BLTP1: variants seen among roughly 807,000 people sequenced by gnomAD.
BLTP1 encodes fragile site-associated protein.
At chr4:122,206,163 A>G in the BLTP1 span, 2,572 of 691,592 alleles carry the variant, frequency 3.7e-3, 8 homozygotes, top group Non-Finnish European at 4.3e-3. Flanking sequence ...AGTCAAGTCT[A>G]TGTTTCATTC....
chr4:122,249,904 C>CT, the BLTP1 span: 2 of 984,864 alleles, frequency 2.0e-6, no homozygotes, highest in Non-Finnish European at 2.4e-6. Flanking sequence ...GCTTGAAAAA[C>CT]AACAATATGT....
the BLTP1 span, chr4:122,325,217 T>A: frequency 6.9e-6 from 11 of 1,589,114 alleles, no homozygotes; most frequent in Admixed American, 1.2e-4. Context: ...TATAACTTTA[T>A]ATTTACTTGC....
the BLTP1 span, among the ~76,000 whole-genome samples, chr4:122,257,788 A>T: frequency 6.6e-6 from 1 of 152,160 alleles, no homozygotes; most frequent in Non-Finnish European, 1.5e-5. Flanking sequence ...TACACGTATG[A>T]TTTTTATTGG....
At chr4:122,243,720 GAAA>G in the BLTP1 span, 1 of 944,916 alleles carries the variant, frequency 1.1e-6, no homozygotes, top group Non-Finnish European at 1.4e-6. Flanking sequence ...CTATCTCAAA[GAAA>G]AAAAAAAAGT....
At chr4:122,185,492 A>C in the BLTP1 span, 1 of 871,150 alleles carries the variant, frequency 1.1e-6, no homozygotes, top group East Asian at 1.2e-4. Flanking sequence ...ATTAATTACT[A>C]TTGCTATTTC....
chr4:122,249,510 T>C, the BLTP1 span: 2 of 1,613,586 alleles, frequency 1.2e-6, no homozygotes, highest in Non-Finnish European at 8.5e-7. Context: ...CAATCACTGC[T>C]ATTCCTTTTG....
At chr4:122,290,846 CACATAAT>C in the BLTP1 span, 1 of 135,468 alleles carries the variant, frequency 7.4e-6, no homozygotes, top group African/African-American at 2.9e-5. Context: ...CACACACACA[CACATAAT>C]ATTATATATA....
At chr4:122,346,668 G>A in the BLTP1 span, 2 of 1,613,330 alleles carry the variant, frequency 1.2e-6, no homozygotes, top group South Asian at 1.1e-5. Context: ...GATATGCGCC[G>A]ACTCAGTGAA....
chr4:122,286,148 C>T, the BLTP1 span, among the ~76,000 whole-genome samples: 2 of 152,138 alleles, frequency 1.3e-5, no homozygotes, highest in Non-Finnish European at 2.9e-5. Context: ...TTGTTAACTA[C>T]CTACTATTCT....
the BLTP1 span, chr4:122,289,265 C>A: frequency 9.3e-7 from 1 of 1,070,326 alleles, no homozygotes; most frequent in Non-Finnish European, 1.3e-6. Context: ...TCCCATATAT[C>A]TGTGGTATAA....
chr4:122,343,588 C>T, the BLTP1 span: 4 of 1,613,978 alleles, frequency 2.5e-6, no homozygotes, highest in East Asian at 8.9e-5. Flanking sequence ...TTTCTGGCCT[C>T]ACACCTGGAT....
the BLTP1 span, chr4:122,326,007 C>A: frequency 2.8e-6 from 1 of 361,972 alleles, no homozygotes; most frequent in South Asian, 2.5e-5. Flanking sequence ...TCATTTCAAA[C>A]TTAACTTAGA....
the BLTP1 span, among the ~76,000 whole-genome samples, chr4:122,184,176 C>G: frequency 6.6e-6 from 1 of 152,024 alleles, no homozygotes; most frequent in Non-Finnish European, 1.5e-5. Context: ...AAATCAAAGG[C>G]AGAAATATTG....
chr4:122,167,679 G>C, the BLTP1 span: 1 of 985,300 alleles, frequency 1.0e-6, no homozygotes. Flanking sequence ...ACACCCTTAG[G>C]TGCTGCCACT....
chr4:122,348,530 A>T, the BLTP1 span: 545 of 1,526,978 alleles, frequency 3.6e-4, 3 homozygotes, highest in African/African-American at 5.6e-3. Flanking sequence ...CTTGGCATTT[A>T]TGTGAATGAA....
chr4:122,332,019 ATG>A, the BLTP1 span, among the ~76,000 whole-genome samples: 3 of 152,008 alleles, frequency 2.0e-5, no homozygotes, highest in Non-Finnish European at 4.4e-5. Context: ...CACTAACTAA[ATG>A]ATGATATAAA....
the BLTP1 span, chr4:122,210,827 A>C: frequency 6.3e-7 from 1 of 1,575,284 alleles, no homozygotes; most frequent in Admixed American, 1.9e-5. Context: ...AAGATCTTCC[A>C]AGAAGTCTTT....
chr4:122,173,012 T>A, the BLTP1 span: 1 of 1,612,216 alleles, frequency 6.2e-7, no homozygotes, highest in Non-Finnish European at 8.5e-7. Context: ...ATCCTATTAT[T>A]TCTGATTTTT....
At chr4:122,155,210 C>G in the BLTP1 span, among the ~76,000 whole-genome samples, 2 of 151,818 alleles carry the variant, frequency 1.3e-5, no homozygotes, top group South Asian at 4.1e-4. Flanking sequence ...ATGTAAGAGA[C>G]TAGAAAGTGA....
Sources: gnomAD v4.1 joint callset for allele counts (sites outside exome capture counted in the v4.1 genomes callset) on GRCh38, gnomAD v4.1.1 for gene constraint, MANE v1.5 for transcripts, NCBI Gene and HGNC (gene_info 2026-07-23, HGNC 2026-07-21) for gene names.